The following GRB10 variants were observed in gnomAD, a reference collection of about 807,000 sequenced individuals.
The protein encoded by GRB10 is growth factor receptor-bound protein 10.
GRB10 carries 20 observed loss-of-function variants against 80.9 expected under a neutral mutation model. The observed-to-expected ratio is 0.25, with a 90% CI of 0.17 to 0.36. The LOEUF (loss-of-function observed/expected upper bound fraction) is 0.36, where lower values mean the gene tolerates loss of function less well. GRB10 is among the 10% of genes least tolerant of loss of function. The pLI, the probability that GRB10 is intolerant of heterozygous loss-of-function variation, is 1.00. For synonymous variants in GRB10, 291 were observed against 291.5 expected (o/e 1.00, Z 0.02); for missense variants, 548 against 747.7 (o/e 0.73, Z 3.12).
chr7:50,764,510 C>G (rs1245351638), intron 2 of GRB10, among the ~76,000 whole-genome samples: 1 of 152,184 alleles, frequency 6.6e-6, no homozygotes, highest in Non-Finnish European at 1.5e-5. Context: ...GAGCACAGTA[C>G]TCCTCCAGCA....
upstream of GRB10, among the ~76,000 whole-genome samples, chr7:50,786,160 G>T (rs2078686705): frequency 6.6e-6 from 1 of 151,922 alleles, no homozygotes; most frequent in Non-Finnish European, 1.5e-5. Flanking sequence ...CAACAGAAAA[G>T]TTAAAAGGTC....
chr7:50,697,832 C>G (rs1563489933), intron 5 of GRB10, among the ~76,000 whole-genome samples: 1 of 152,180 alleles, frequency 6.6e-6, no homozygotes, highest in South Asian at 2.1e-4. Context: ...CCCACCCCAC[C>G]CCAGGGAGGG....
chr7:50,766,468 A>G (rs545269301), intron 2 of GRB10, among the ~76,000 whole-genome samples: 3 of 152,172 alleles, frequency 2.0e-5, no homozygotes, highest in Non-Finnish European at 4.4e-5. Context: ...GAGTTTTAAA[A>G]AAAGTTAAAG....
chr7:50,625,626 G>A lies in GRB10; in HGVS notation c.661+1196C>T, dbSNP rs538037495. On this transcript the variant is annotated intron_variant, in intron 8 of 18. Coordinates refer to ENST00000401949, the MANE Select transcript of GRB10 (RefSeq NM_001350814.2). ...ACTGTGGACCTAGTAAGTGATCCTG[G>A]CAGGAGAAAGCTGTTAGTGACAATG... 7.2e-5 allele frequency among the ~76,000 whole-genome samples: 11 copies of A among 152,292 alleles called. No individual in the cohort carries two copies. The South Asian group carries it at 2.3e-3, about 32-fold the overall frequency.
chr7:50,622,254 C>T (rs1176327187), intron 8 of GRB10, among the ~76,000 whole-genome samples: 2 of 152,194 alleles, frequency 1.3e-5, no homozygotes, highest in Admixed American at 6.5e-5. Flanking sequence ...TTGCTTTTCA[C>T]ATACAAAAGG....
chr7:50,681,634 T>C (rs1476829706), intron 5 of GRB10, among the ~76,000 whole-genome samples: 2 of 152,262 alleles, frequency 1.3e-5, no homozygotes, highest in Admixed American at 1.3e-4. Flanking sequence ...ATGAGCCTCT[T>C]TCCTCTGTGT....
intron 4 of GRB10, among the ~76,000 whole-genome samples, chr7:50,716,608 A>G (rs1230533416): frequency 6.6e-6 from 1 of 152,238 alleles, no homozygotes; most frequent in Non-Finnish European, 1.5e-5. Flanking sequence ...AGCATGAGTG[A>G]TAAGGAGAGA....
chr7:50,777,420 C>A (rs1340382099), intron 2 of GRB10, among the ~76,000 whole-genome samples: 2 of 48,942 alleles, frequency 4.1e-5, no homozygotes, highest in Non-Finnish European at 5.3e-5. Flanking sequence ...CAGACCACAG[C>A]AATCTGTATA....
chr7:50,617,766 C>G (rs1359511857), intron 10 of GRB10: 5 of 465,450 alleles, frequency 1.1e-5, no homozygotes, highest in African/African-American at 2.0e-5. Flanking sequence ...ACTGGGGTTT[C>G]TCCATGCACC....
At chr7:50,648,682 T>C (rs1260610416) in intron 7 of GRB10, among the ~76,000 whole-genome samples, 3 of 152,148 alleles carry the variant, frequency 2.0e-5, no homozygotes, top group African/African-American at 7.2e-5. Flanking sequence ...CCTCTGGGCT[T>C]CCAGAGTTTC....
chr7:50,628,977 TA>T (rs2053508831), intron 7 of GRB10, among the ~76,000 whole-genome samples: 1 of 152,106 alleles, frequency 6.6e-6, no homozygotes, highest in Admixed American at 6.5e-5. Flanking sequence ...TGCATTAACA[TA>T]AAAGAAAAAC....
intron 7 of GRB10, among the ~76,000 whole-genome samples, chr7:50,644,773 G>T (rs925232284): frequency 5.9e-5 from 9 of 152,218 alleles, no homozygotes; most frequent in Admixed American, 5.2e-4. Context: ...CTGGCCAGTG[G>T]AGCAGGGCTG....
intron 3 of GRB10, among the ~76,000 whole-genome samples, chr7:50,742,269 GCGCACACACACACA>G (rs1436445861): frequency 0.023 from 736 of 32,708 alleles, 5 homozygotes; most frequent in Middle Eastern, 0.15. Flanking sequence ...GCACGCGCGC[GCGCACACACACACA>G]CACACACACA....
At chr7:50,710,999 C>G in intron 4 of GRB10, 4 of 1,090,794 alleles carry the variant, frequency 3.7e-6, no homozygotes, top group Non-Finnish European at 5.7e-6. Context: ...ACCTGGAGAA[C>G]GGCACAGAAG....
intron 4 of GRB10, among the ~76,000 whole-genome samples, chr7:50,723,766 C>A (rs2068133620): frequency 6.6e-6 from 1 of 152,218 alleles, no homozygotes; most frequent in African/African-American, 2.4e-5. Context: ...GCCTGCATGC[C>A]TCCTGGGCTG....
intron 8 of GRB10, among the ~76,000 whole-genome samples, chr7:50,619,540 TG>T (rs1193809380): frequency 3.3e-5 from 5 of 152,214 alleles, no homozygotes; most frequent in Admixed American, 6.5e-5. Context: ...ATCAACCAGA[TG>T]TTAAGGAATG....
intron 17 of GRB10, among the ~76,000 whole-genome samples, chr7:50,600,430 A>C (rs78101262): frequency 0.057 from 8,701 of 152,196 alleles, 487 homozygotes; most frequent in African/African-American, 0.15. Context: ...AACAAAATAA[A>C]ATCAGACCCA....
intron 7 of GRB10, among the ~76,000 whole-genome samples, chr7:50,667,357 C>T (rs949653061): frequency 8.5e-5 from 13 of 152,116 alleles, no homozygotes; most frequent in East Asian, 3.9e-4. Flanking sequence ...GTATCGGGTC[C>T]ACTTTGTCAA....
chr7:50,731,783 A>G (rs1196382825), intron 4 of GRB10, among the ~76,000 whole-genome samples: 3 of 152,218 alleles, frequency 2.0e-5, no homozygotes, highest in African/African-American at 7.2e-5. Flanking sequence ...GAAAGAGCCA[A>G]TCTGTGGAGA....
Sources: gnomAD v4.1 joint callset for allele counts (sites outside exome capture counted in the v4.1 genomes callset) on GRCh38, gnomAD v4.1.1 for gene constraint, MANE v1.5 for transcripts, NCBI Gene and HGNC (gene_info 2026-07-23, HGNC 2026-07-21) for gene names.